DPF2: variants seen among roughly 807,000 people sequenced by gnomAD.
DPF2 encodes the protein double PHD fingers 2.
A neutral mutation model predicts 59.6 loss-of-function variants in DPF2; 10 were observed. The ratio of observed to expected loss-of-function variants is 0.17; its 90% confidence interval spans 0.10 to 0.28. The LOEUF (loss-of-function observed/expected upper bound fraction) is 0.28. DPF2 is among the 10% of genes least tolerant of loss of function. The pLI is 1.00. For missense variants in DPF2, 315 were observed against 509.4 expected, an observed-to-expected ratio of 0.62 and a Z score of 3.67; for synonymous variants, 189 against 190.6, an observed-to-expected ratio of 0.99 and a Z score of 0.07.
In DPF2 at chr11:65,346,329, T is replaced by C; in HGVS notation, c.987T>C (p.Cys329=). ...GCTGGCAGTGCATCGAGTGCAAATG[T>C]TGCAATATCTGCGGCACCTCCGAGA... ...TYRWQCIECK[C]CNICGTSEND... The change falls in exon 9 of 11, where the codon TGT becomes TGC. Residue 329 remains cysteine, a synonymous_variant. Transcript: ENST00000528416. The C allele has an allele frequency of 6.2e-7, 1 of 1,613,586 alleles. No individual in the cohort carries two copies. The highest frequency in any genetic ancestry group is 8.5e-7 in the Non-Finnish European group (1 of 1,179,996).
intron 10 of DPF2, 60 bp downstream of exon 10, chr11:65,348,991 G>A: frequency 1.9e-6 from 3 of 1,571,366 alleles, no homozygotes; most frequent in Non-Finnish European, 2.6e-6. Context: ...GGAAAATACT[G>A]AGTTCTATGT....
intron 1 of DPF2, among the ~76,000 whole-genome samples, chr11:65,337,490 T>TAGAG (rs1565527455): frequency 6.0e-5 from 4 of 67,038 alleles, no homozygotes; most frequent in Non-Finnish European, 1.1e-4. Context: ...TATATATATA[T>TAGAG]ATATATATAT....
chr11:65,337,502 T>TAGAGAGAGAGAGAGAG (rs1371740234), intron 1 of DPF2, among the ~76,000 whole-genome samples: 1 of 33,108 alleles, frequency 3.0e-5, no homozygotes, highest in Non-Finnish European at 5.2e-5. Context: ...TATATATATA[T>TAGAGAGAGAGAGAGAG]ATAGAGAGAG....
intron 9 of DPF2, chr11:65,346,917 C>G (rs1336459506): frequency 6.6e-6 from 1 of 152,552 alleles, no homozygotes; most frequent in Non-Finnish European, 1.5e-5. Context: ...GAGGCAAGCA[C>G]TGCCAGATCT....
intron 1 of DPF2, among the ~76,000 whole-genome samples, chr11:65,334,777 A>G (rs1950073793): frequency 6.6e-6 from 1 of 152,212 alleles, no homozygotes; most frequent in Non-Finnish European, 1.5e-5. Context: ...GGGTTAATGC[A>G]TGGTGGGCGA....
intron 2 of DPF2, 110 bp downstream of exon 2, chr11:65,340,655 A>G (rs1854336871): frequency 1.4e-6 from 2 of 1,400,400 alleles, no homozygotes; most frequent in Admixed American, 2.4e-5. Flanking sequence ...CCTTCCACCT[A>G]TGGATGAATA....
intron 8 of DPF2, 76 bp downstream of exon 8, chr11:65,346,134 A>T: frequency 6.2e-7 from 1 of 1,602,374 alleles, no homozygotes; most frequent in South Asian, 1.1e-5. Context: ...TAGGGCTGTC[A>T]TAACCAGCCC....
At chr11:65,339,826 G>C (rs750124933) in intron 1 of DPF2, among the ~76,000 whole-genome samples, 12 of 152,170 alleles carry the variant, frequency 7.9e-5, no homozygotes, top group Non-Finnish European at 1.2e-4. Flanking sequence ...AGTATGTGAA[G>C]AGCTTCCTTC....
chr11:65,344,851 A>G (rs1241327904), intron 6 of DPF2: 5 of 554,248 alleles, frequency 9.0e-6, no homozygotes, highest in Non-Finnish European at 6.3e-6. Flanking sequence ...GGCCCAGTGC[A>G]TGGGGTGGCT....
At chr11:65,349,008 T>C in intron 10 of DPF2, 77 bp downstream of exon 10, 13 of 1,524,078 alleles carry the variant, frequency 8.5e-6, no homozygotes, top group Non-Finnish European at 1.1e-5. Context: ...ATGTTCTTTA[T>C]GTTATCACTT....
intron 1 of DPF2, among the ~76,000 whole-genome samples, chr11:65,339,687 C>T (rs1348110266): frequency 6.6e-6 from 1 of 152,216 alleles, no homozygotes; most frequent in African/African-American, 2.4e-5. Flanking sequence ...TAGTCACCCA[C>T]TTTTTCTCCC....
intron 1 of DPF2, among the ~76,000 whole-genome samples, chr11:65,337,500 T>TAGAGAG (rs1483370415): frequency 7.7e-4 from 31 of 40,250 alleles, no homozygotes; most frequent in Non-Finnish European, 9.2e-4. Context: ...TATATATATA[T>TAGAGAG]ATATAGAGAG....
At chr11:65,338,178 C>T (rs1191488446) in intron 1 of DPF2, among the ~76,000 whole-genome samples, 2 of 152,120 alleles carry the variant, frequency 1.3e-5, no homozygotes, top group Non-Finnish European at 2.9e-5. Flanking sequence ...AACTCTTGGT[C>T]TCAAGAGATC....
intron 1 of DPF2, among the ~76,000 whole-genome samples, chr11:65,337,527 A>AGAGAGAGC (rs1565527923): frequency 7.3e-6 from 1 of 137,092 alleles, no homozygotes; most frequent in Non-Finnish European, 1.6e-5. Context: ...AGAGAGAGAG[A>AGAGAGAGC]GAGAGAGAGA....
Position 65,348,876 on chromosome 11 carries a change from C to T in DPF2, c.1044C>T (p.Cys348=), listed in dbSNP as rs766070534. The T allele has an allele frequency of 8.1e-6, 13 of 1,614,032 alleles. No individual in the cohort carries two copies. Among genetic ancestry groups the T allele is most frequent in the Middle Eastern group, 1.6e-4 (1 of 6,084 alleles). ...ACCAGTTGCTCTTCTGTGATGACTG[C>T]GATCGTGGCTACCACATGTACTGTC... is the stretch of plus-strand genomic sequence containing the variant. ...NDDQLLFCDD[C]DRGYHMYCLT... Residue 348 remains cysteine (C), a synonymous_variant, in exon 10 of 11, where the codon TGC becomes TGT. Transcript: ENST00000528416.
intron 6 of DPF2, chr11:65,344,451 GT>G: frequency 2.4e-6 from 2 of 849,220 alleles, no homozygotes; most frequent in South Asian, 3.3e-5. Context: ...CCCCACTTCT[GT>G]CCCTCCACCC....
At chr11:65,333,964 G>C in intron 1 of DPF2, 46 bp downstream of exon 1, 8 of 1,608,570 alleles carry the variant, frequency 5.0e-6, no homozygotes, top group Non-Finnish European at 6.8e-6. Flanking sequence ...GTTTTGTAAA[G>C]GGCCTGGGAG....
rs1854770668 is a variant in DPF2, at chr11:65,353,037, C to G, written c.*1278C>G. ...TCTCCATTAAGAAGGCCATTTCATC[C>G]TAAGATTTCCATGATGGTGGTTTTT... On this transcript the variant is annotated 3_prime_UTR_variant, in exon 11 of 11. Coordinates refer to ENST00000528416, the MANE Select transcript of DPF2 (RefSeq NM_006268.5). The G allele has an allele frequency of 6.6e-6, 1 of 151,304 alleles. No individual in the cohort carries two copies. Among genetic ancestry groups the G allele is most frequent in the African/African-American group, 2.4e-5 (1 of 41,226 alleles). 9.4% of individuals were successfully genotyped at this position (151,304 alleles called of 1,614,324 possible). A position where few individuals can be genotyped will look rare whatever the true frequency, so the allele number is the denominator to read the frequency against.
chr11:65,350,371 TTTC>T (rs1854658660), intron 10 of DPF2, among the ~76,000 whole-genome samples: 1 of 148,728 alleles, frequency 6.7e-6, no homozygotes, highest in African/African-American at 2.5e-5. Context: ...TTTTTCTTTC[TTTC>T]TTTTTTTTTT....
Sources: allele counts gnomAD v4.1 joint callset (sites outside exome capture counted in the v4.1 genomes callset), GRCh38; gene constraint gnomAD v4.1.1; transcripts MANE v1.5; gene names NCBI Gene and HGNC (gene_info 2026-07-23, HGNC 2026-07-21).